The following PTPN20 variants were observed in gnomAD, a reference collection of about 807,000 sequenced individuals.
PTPN20 encodes protein tyrosine phosphatase non-receptor type 20.
A neutral mutation model predicts 35.0 loss-of-function variants in PTPN20; 9 were observed. That is an observed-to-expected ratio of 0.26 (90% CI 0.15 to 0.45). The LOEUF (loss-of-function observed/expected upper bound fraction) is 0.45, where lower values mean the gene tolerates loss of function less well. PTPN20 is among the 20% of genes least tolerant of loss of function. The probability of loss-of-function intolerance (pLI) is 1.00; values close to 1 mark genes in which losing one functional copy is unlikely to be tolerated. For missense variants in PTPN20, 111 were observed against 312.5 expected, an observed-to-expected ratio of 0.36 and a Z score of 4.86; for synonymous variants, 32 against 100.2, an observed-to-expected ratio of 0.32 and a Z score of 4.06.
intron 9 of PTPN20, among the ~76,000 whole-genome samples, chr10:46,993,001 G>A (rs2058286110): frequency 6.6e-6 from 1 of 152,132 alleles, no homozygotes; most frequent in East Asian, 1.9e-4. Context: ...ACTCTGTATG[G>A]GATATTTATT....
rs1214311299 is a variant in PTPN20, at chr10:47,001,864, T to A, written c.*1123T>A. ...GGACTTTGCCTCGTACAATTAATAG[T>A]GATATTTTGGACAAGGAGTTCTGGT... On this transcript the variant is annotated 3_prime_UTR_variant, in exon 11 of 11. Coordinates refer to ENST00000374339, the MANE Select transcript of PTPN20 (RefSeq NM_001042357.5). 1 of 152,138 alleles carries A rather than the reference T, an allele frequency of 6.6e-6. No individual in the cohort carries two copies. Among genetic ancestry groups the A allele is most frequent in the African/African-American group, 2.4e-5 (1 of 41,440 alleles). The allele number at this position is 152,138 out of a possible 1,614,324, so 9.4% of individuals were successfully genotyped here.
intron 5 of PTPN20, among the ~76,000 whole-genome samples, chr10:46,949,332 C>T (rs1345701798): frequency 6.6e-6 from 1 of 152,228 alleles, no homozygotes; most frequent in Non-Finnish European, 1.5e-5. Flanking sequence ...TACTGTCACA[C>T]TGGCCCACAT....
At chr10:46,944,860 G>A (rs1416303034) in intron 4 of PTPN20, among the ~76,000 whole-genome samples, 2 of 147,904 alleles carry the variant, frequency 1.4e-5, no homozygotes, top group South Asian at 2.1e-4. Context: ...GTACAACATA[G>A]TAAATATTAT....
chr10:47,002,816 A>T (rs1156827278), downstream of PTPN20, among the ~76,000 whole-genome samples: 5 of 152,074 alleles, frequency 3.3e-5, no homozygotes, highest in Non-Finnish European at 5.9e-5. Context: ...TTAGTAATTT[A>T]TCTTCCTTTG....
At chr10:46,935,306 G>GTTTTTTTT in intron 2 of PTPN20, among the ~76,000 whole-genome samples, 1 of 107,508 alleles carries the variant, frequency 9.3e-6, no homozygotes, top group South Asian at 3.5e-4. Flanking sequence ...ATTTCATTCT[G>GTTTTTTTT]TTTTTTTTTT....
chr10:46,992,121 ATTTTTTT>A (rs1180103188), intron 9 of PTPN20, among the ~76,000 whole-genome samples: 2 of 130,682 alleles, frequency 1.5e-5, no homozygotes, highest in Middle Eastern at 4.0e-3. Flanking sequence ...TTCATTTTCA[ATTTTTTT>A]TTTTTTTTTT....
intron 9 of PTPN20, among the ~76,000 whole-genome samples, chr10:46,989,065 A>G (rs2057431129): frequency 7.2e-6 from 1 of 138,808 alleles, no homozygotes; most frequent in South Asian, 2.4e-4. Flanking sequence ...ATATGAATAT[A>G]TAGTCATGTT....
intron 9 of PTPN20, among the ~76,000 whole-genome samples, chr10:46,997,561 C>G (rs1453623619): frequency 2.0e-5 from 3 of 150,436 alleles, no homozygotes; most frequent in African/African-American, 7.3e-5. Flanking sequence ...CATCACTGAT[C>G]TCAGAGGGAA....
intron 1 of PTPN20, among the ~76,000 whole-genome samples, chr10:46,926,518 G>GT (rs1282434149): frequency 6.6e-6 from 1 of 151,390 alleles, no homozygotes; most frequent in Non-Finnish European, 1.5e-5. Context: ...ATGCTGTGTA[G>GT]TTTTTTCTCT....
intron 9 of PTPN20, among the ~76,000 whole-genome samples, chr10:46,995,537 T>A (rs536373604): frequency 1.3e-5 from 2 of 152,200 alleles, no homozygotes; most frequent in South Asian, 4.1e-4. Context: ...GTGCAATGTA[T>A]CTTCTGCAAT....
chr10:46,941,069 G>A lies in PTPN20; in HGVS notation c.129+352G>A, dbSNP rs551774988. On this transcript the variant is annotated intron_variant, in intron 3 of 10. Coordinates refer to ENST00000374339, the MANE Select transcript of PTPN20 (RefSeq NM_001042357.5). ...GCATGATTGGGTGTCTCCGAACTAT[G>A]GAAAAGTAGAGGGCTGTGAAAAGTC... Among the ~76,000 whole-genome samples, 1,114 of 151,184 alleles carry A rather than the reference G, an allele frequency of 7.4e-3. 26 individuals are homozygous for A. The highest frequency in any genetic ancestry group is 0.026 in the African/African-American group (1,038 of 40,542).
At chr10:46,938,840 A>G (rs2042550712) in intron 2 of PTPN20, among the ~76,000 whole-genome samples, 1 of 108,368 alleles carries the variant, frequency 9.2e-6, no homozygotes. Flanking sequence ...ATTGTTTTAT[A>G]TATTTTGTCC....
At chr10:46,949,516 C>T (rs1322140731) in intron 5 of PTPN20, among the ~76,000 whole-genome samples, 3 of 151,928 alleles carry the variant, frequency 2.0e-5, no homozygotes, top group Non-Finnish European at 4.4e-5. Flanking sequence ...GCCCTGCAAC[C>T]TCAGCTCTCT....
Position 47,001,305 on chromosome 10 carries a change from A to G in PTPN20, c.*564A>G, listed in dbSNP as rs2060011244. The G allele has an allele frequency of 6.4e-6, 1 of 157,004 alleles. No homozygotes were observed. The highest frequency in any genetic ancestry group is 1.4e-5 in the Non-Finnish European group (1 of 70,862). The allele number at this position is 157,004 out of a possible 1,614,324, so 9.7% of individuals were successfully genotyped here. ...GGACACAAATTGGCTTCCATTTCCT[A>G]CATTTTCATACTGCTGCCTTCCTAC... On this transcript the variant is annotated 3_prime_UTR_variant, in exon 11 of 11. Coordinates refer to ENST00000374339, the MANE Select transcript of PTPN20 (RefSeq NM_001042357.5).
At chr10:46,992,905 T>C (rs965983232) in intron 9 of PTPN20, among the ~76,000 whole-genome samples, 4 of 152,194 alleles carry the variant, frequency 2.6e-5, no homozygotes, top group Non-Finnish European at 5.9e-5. Flanking sequence ...TGTTTTTATA[T>C]TCTTTGTATC....
Position 46,977,500 on chromosome 10 carries a change from A to G in PTPN20, c.584-6730A>G, listed in dbSNP as rs2054127173. Among the ~76,000 whole-genome samples, 3 of 152,220 alleles carry G rather than the reference A, an allele frequency of 2.0e-5. No homozygotes were observed. In the South Asian group the frequency reaches 6.2e-4, roughly 32 times the overall value. On this transcript the variant is annotated intron_variant, in intron 7 of 10. Transcript: ENST00000374339. ...ATGACTTTTCAGTAGTGAATAGAGT[A>G]TTAATAATTCATAGTGTAATGTGAC...
chr10:46,945,808 A>G (rs2044581807), intron 4 of PTPN20, among the ~76,000 whole-genome samples: 1 of 144,494 alleles, frequency 6.9e-6, no homozygotes, highest in African/African-American at 2.6e-5. Flanking sequence ...TCTGTTAACA[A>G]TTAGTAGCTA....
At chr10:46,952,860 AGT>A (rs2047117568) in intron 5 of PTPN20, among the ~76,000 whole-genome samples, 1 of 151,142 alleles carries the variant, frequency 6.6e-6, no homozygotes, top group Non-Finnish European at 1.5e-5. Flanking sequence ...CACACTAGGC[AGT>A]GTAGTAATCC....
At chr10:46,983,231 C>G (rs1381847750) in intron 7 of PTPN20, among the ~76,000 whole-genome samples, 1 of 151,948 alleles carries the variant, frequency 6.6e-6, no homozygotes, top group Non-Finnish European at 1.5e-5. Flanking sequence ...TGTGAGCCAC[C>G]GCGCCTGGCT....
Sources: allele counts gnomAD v4.1 joint callset (sites outside exome capture counted in the v4.1 genomes callset), GRCh38; gene constraint gnomAD v4.1.1; transcripts MANE v1.5; gene names NCBI Gene and HGNC (gene_info 2026-07-23, HGNC 2026-07-21).